LPIN1: variants seen among roughly 807,000 people sequenced by gnomAD.
LPIN1 encodes the protein lipin 1, also known as phosphatidate phosphatase LPIN1.
Under a neutral mutation model 107.5 loss-of-function variants are expected in LPIN1, and 71 were observed. The observed-to-expected ratio is 0.66, with a 90% CI of 0.55 to 0.80. LPIN1 has a LOEUF of 0.80. Ranked by LOEUF, LPIN1 falls within the 30% of genes least tolerant of loss-of-function variation. LPIN1 has a pLI of 0.00. For missense variants in LPIN1, 1,043 were observed against 1,160.6 expected, an observed-to-expected ratio of 0.90 and a Z score of 1.47; for synonymous variants, 445 against 452.6, an observed-to-expected ratio of 0.98 and a Z score of 0.21.
At chr2:11,787,478 G>A (rs1558914006) in intron 11 of LPIN1, among the ~76,000 whole-genome samples, 1 of 134,422 alleles carries the variant, frequency 7.4e-6, no homozygotes, top group Admixed American at 8.5e-5. Flanking sequence ...GTAGCTCACT[G>A]TAGCCTTGAA....
In LPIN1 at chr2:11,786,564, G is replaced by T. The variant is rs866415098; in HGVS notation, c.1550-510G>T. Among the ~76,000 whole-genome samples, 4 of 152,200 alleles carry T rather than the reference G, an allele frequency of 2.6e-5. No individual in the cohort carries two copies. Among genetic ancestry groups the T allele is most frequent in the Middle Eastern group, 3.4e-3 (1 of 294 alleles). ...CCTGCTTCTGATTGTGGTGGAGGCAGCCCCATTTTTGAAAGGGCCCTGTGC... is the reference window on the plus strand; with the variant it reads ...CCTGCTTCTGATTGTGGTGGAGGCATCCCCATTTTTGAAAGGGCCCTGTGC... On this transcript the variant is annotated intron_variant, in intron 10 of 20. Transcript: ENST00000674199. This position sits in a 1 kb window ranked among gnomAD's most constrained non-coding sequence, Gnocchi z 4.1.
At chr2:11,715,073 G>A (rs560055023) in intron 2 of LPIN1, among the ~76,000 whole-genome samples, 1 of 152,218 alleles carries the variant, frequency 6.6e-6, no homozygotes, top group Admixed American at 6.5e-5. Flanking sequence ...GCAGTTAGTG[G>A]CAGTTATGCC....
Position 11,815,017 on chromosome 2 carries a change from A to G in LPIN1, c.2250-71A>G, listed in dbSNP as rs975934255. 9 of 1,409,654 alleles carry G rather than the reference A, an allele frequency of 6.4e-6. No homozygotes were observed. In the African/African-American group the frequency reaches 1.3e-4, roughly 20 times the overall value. 87.3% of individuals were successfully genotyped at this position (1,409,654 alleles called of 1,614,324 possible). ...GCCATTCTCCACAGAACAGATATGG[A>G]TCAGGATTTATGAATGCAGAAAGGT... On this transcript the variant is annotated intron_variant, in intron 17 of 20. Coordinates refer to ENST00000674199, the MANE Select transcript of LPIN1 (RefSeq NM_001349206.2).
intron 1 of LPIN1, among the ~76,000 whole-genome samples, chr2:11,687,648 A>G (rs540478096): frequency 1.3e-5 from 2 of 152,262 alleles, no homozygotes; most frequent in Non-Finnish European, 2.9e-5. Flanking sequence ...GGTTTTGACC[A>G]GGCCTGCAAT....
chr2:11,766,768 CACAA>C (rs546814117), intron 2 of LPIN1, among the ~76,000 whole-genome samples: 880 of 78,766 alleles, frequency 0.011, 7 homozygotes, highest in African/African-American at 0.094. Flanking sequence ...AAAAAACAAA[CACAA>C]ACAAACAAAC....
intron 14 of LPIN1, among the ~76,000 whole-genome samples, chr2:11,802,570 G>T (rs1677944348): frequency 6.6e-6 from 1 of 152,192 alleles, no homozygotes; most frequent in African/African-American, 2.4e-5. Context: ...GATAGGAAGA[G>T]AAGAGAGACA....
chr2:11,782,541 G>C lies in LPIN1; in HGVS notation c.1264+34G>C, dbSNP rs201847019. 73 of 1,612,446 alleles carry C rather than the reference G, an allele frequency of 4.5e-5. No individual in the cohort carries two copies. The highest frequency in any genetic ancestry group is 4.0e-5 in the African/African-American group (3 of 74,968). ...GCTGGGGCTTCCCGGCTCTTTTTCT[G>C]TTCATAGTTTGTGCTCACTCTACAC... On this transcript the variant is annotated intron_variant, in intron 8 of 20. Transcript: ENST00000674199.
chr2:11,760,438 A>G (rs182045540), intron 1 of LPIN1, among the ~76,000 whole-genome samples: 4,501 of 151,282 alleles, frequency 0.03, 110 homozygotes, highest in African/African-American at 0.067. Flanking sequence ...CCGGCACCTC[A>G]GGAGGCCGAG....
At chr2:11,784,425 A>G in intron 9 of LPIN1, 1 of 1,115,858 alleles carries the variant, frequency 9.0e-7, no homozygotes, top group Non-Finnish European at 1.1e-6. Context: ...ACCTCTGGAC[A>G]GGGGCGCAGC....
intron 1 of LPIN1, among the ~76,000 whole-genome samples, chr2:11,747,134 A>G (rs1007441548): frequency 3.3e-5 from 5 of 152,200 alleles, no homozygotes; most frequent in African/African-American, 1.2e-4. Flanking sequence ...CCAGCGCTGC[A>G]GTTGAGGAAA....
intron 17 of LPIN1, among the ~76,000 whole-genome samples, chr2:11,806,407 C>T (rs1414366164): frequency 1.3e-5 from 2 of 152,056 alleles, no homozygotes; most frequent in South Asian, 2.1e-4. Context: ...AGAAAAATGG[C>T]GGCTTGGAGA....
intron 1 of LPIN1, among the ~76,000 whole-genome samples, chr2:11,688,146 A>T (rs1662099638): frequency 6.6e-6 from 1 of 152,160 alleles, no homozygotes; most frequent in African/African-American, 2.4e-5. Flanking sequence ...TATAGCTGAA[A>T]ATATCTGCAG....
intron 17 of LPIN1, among the ~76,000 whole-genome samples, chr2:11,808,104 A>G (rs895465927): frequency 1.3e-5 from 2 of 152,054 alleles, no homozygotes. Flanking sequence ...CTCAAATGCC[A>G]CAGTCCTCAG....
chr2:11,724,565 T>C, intron 1 of LPIN1: 1 of 985,574 alleles, frequency 1.0e-6, no homozygotes. Context: ...GGCCTTTATC[T>C]GAAGTTAATG....
At chr2:11,691,788 G>A (rs1302968759) in intron 1 of LPIN1, among the ~76,000 whole-genome samples, 2 of 152,228 alleles carry the variant, frequency 1.3e-5, no homozygotes, top group Non-Finnish European at 2.9e-5. Context: ...GGCCTGGCAT[G>A]AGAAGCCTCC....
intron 7 of LPIN1, 45 bp downstream of exon 7, chr2:11,779,690 C>T: frequency 6.2e-7 from 1 of 1,611,810 alleles, no homozygotes; most frequent in South Asian, 1.1e-5. Flanking sequence ...ATTTCTAACT[C>T]AGCTTAAATT....
At chr2:11,776,228 A>G in intron 6 of LPIN1, 35 bp downstream of exon 6, 1 of 1,347,660 alleles carries the variant, frequency 7.4e-7, no homozygotes, top group Non-Finnish European at 1.0e-6. Flanking sequence ...GGATATATTC[A>G]ATAATGAAAA....
intron 20 of LPIN1, among the ~76,000 whole-genome samples, chr2:11,824,154 G>A (rs1682033149): frequency 2.0e-5 from 3 of 152,006 alleles, no homozygotes; most frequent in Admixed American, 6.6e-5. Context: ...CCACGATCAC[G>A]CAGCTAGTAA....
At chr2:11,743,175 C>A (rs931098261), upstream of LPIN1, among the ~76,000 whole-genome samples, 4 of 152,204 alleles carry the variant, frequency 2.6e-5, no homozygotes, top group African/African-American at 9.6e-5. The surrounding 1 kb of genome is among the most constrained non-coding windows in gnomAD (Gnocchi z 4.7). Flanking sequence ...CAGTGCTCAG[C>A]CTAGGGCCTC....
Sources: gnomAD v4.1 joint callset for allele counts (sites outside exome capture counted in the v4.1 genomes callset) on GRCh38, gnomAD v4.1.1 for gene constraint, Gnocchi (gnomAD v3.1) non-coding constraint, MANE v1.5 for transcripts, NCBI Gene and HGNC (gene_info 2026-07-23, HGNC 2026-07-21) for gene names.